ZNF595: variants seen among roughly 807,000 people sequenced by gnomAD.
ZNF595 encodes zinc finger protein 595.
In ZNF595, 9 loss-of-function variants were observed where a neutral mutation model predicts 19.4. That is an observed-to-expected ratio of 0.46 (90% confidence interval 0.28 to 0.81). ZNF595 has a LOEUF of 0.81. Ranked by LOEUF, ZNF595 falls within the 30% of genes least tolerant of loss-of-function variation. The pLI is 0.11. For missense variants in ZNF595, 729 were observed against 736.0 expected, an observed-to-expected ratio of 0.99 and a Z score of 0.11; for synonymous variants, 255 against 255.9, an observed-to-expected ratio of 1.00 and a Z score of 0.03.
intron 3 of ZNF595, among the ~76,000 whole-genome samples, chr4:80,683 T>C (rs528790386): frequency 6.6e-6 from 1 of 152,174 alleles, no homozygotes; most frequent in African/African-American, 2.4e-5. Context: ...AGGTGCTCAG[T>C]TGGGGAGCTT....
At chr4:78,034 A>G (rs1382032791) in intron 3 of ZNF595, among the ~76,000 whole-genome samples, 2 of 152,088 alleles carry the variant, frequency 1.3e-5, no homozygotes, top group Admixed American at 1.3e-4. Flanking sequence ...TTTGAGACGG[A>G]GTCTTGCTCT....
intron 3 of ZNF595, among the ~76,000 whole-genome samples, chr4:73,582 G>C (rs1560088578): frequency 1.3e-5 from 2 of 152,106 alleles, no homozygotes. Context: ...AAGCTTTTTT[G>C]ATAGGGCACA....
At chr4:72,896 G>C (rs753197315) in intron 3 of ZNF595, among the ~76,000 whole-genome samples, 1 of 152,180 alleles carries the variant, frequency 6.6e-6, no homozygotes, top group Non-Finnish European at 1.5e-5. Context: ...CAGTAGCCCA[G>C]TTGTTACTTA....
intron 3 of ZNF595, among the ~76,000 whole-genome samples, chr4:73,019 A>C (rs555157618): frequency 6.6e-6 from 1 of 152,284 alleles, no homozygotes; most frequent in East Asian, 1.9e-4. Context: ...AGGCAGATGC[A>C]GTGAGAGTTG....
At chr4:69,355 A>G (rs1581371702) in intron 3 of ZNF595, among the ~76,000 whole-genome samples, 1 of 152,136 alleles carries the variant, frequency 6.6e-6, no homozygotes, top group East Asian at 1.9e-4. Flanking sequence ...ATTTACATTC[A>G]CACCAAGAGA....
At chr4:71,070 A>G (rs548166234) in intron 3 of ZNF595, among the ~76,000 whole-genome samples, 1 of 152,242 alleles carries the variant, frequency 6.6e-6, no homozygotes, top group South Asian at 2.1e-4. Flanking sequence ...TTCTTTGCTT[A>G]TGTTAATTCC....
chr4:66,852 A>C (rs1165718284), intron 3 of ZNF595, among the ~76,000 whole-genome samples: 1 of 151,948 alleles, frequency 6.6e-6, no homozygotes, highest in Admixed American at 6.6e-5. Context: ...ATCTGTTCTA[A>C]AAACAGGAAA....
At chr4:82,438 C>T (rs1713957071) in intron 3 of ZNF595, among the ~76,000 whole-genome samples, 1 of 124,346 alleles carries the variant, frequency 8.0e-6, no homozygotes, top group Non-Finnish European at 1.6e-5. Context: ...AGCTGGAGTG[C>T]AACAGCGTGA....
intron 1 of ZNF595, among the ~76,000 whole-genome samples, chr4:54,750 C>G (rs1712545849): frequency 6.6e-6 from 1 of 152,020 alleles, no homozygotes; most frequent in East Asian, 1.9e-4. Flanking sequence ...GCTTCCTTCA[C>G]CCACCCAGGC....
chr4:79,845 TATTTC>T (rs1287295822), intron 3 of ZNF595, among the ~76,000 whole-genome samples: 40 of 152,182 alleles, frequency 2.6e-4, no homozygotes, highest in African/African-American at 9.4e-4. Flanking sequence ...TTTTAAATAT[TATTTC>T]AATTCATAAG....
chr4:77,812 C>T (rs1489196977), intron 3 of ZNF595, among the ~76,000 whole-genome samples: 2 of 152,008 alleles, frequency 1.3e-5, no homozygotes, highest in African/African-American at 4.8e-5. Context: ...GGTGCTGATA[C>T]AATATAAATG....
Position 87,236 on chromosome 4 carries a change from A to G in ZNF595, c.1732A>G (p.Thr578Ala), listed in dbSNP as rs879999374. 2.5e-6 allele frequency: 4 copies of G among 1,594,608 alleles called. No individual in the cohort carries two copies. The highest frequency in any genetic ancestry group is 1.7e-5 in the Admixed American group (1 of 59,220). The change falls in exon 4 of 4, where the codon ACC becomes GCC. Residue 578 changes from threonine (T) to alanine (A), a missense_variant. Thr to Ala is a moderately conservative substitution (Grantham distance 58). This residue lies in a region of ZNF595 where 729 missense variants were observed against 675.3 expected (regional missense o/e 1.08). Transcript: ENST00000610261. Reference sequence around the variant, plus strand: ...TGGCAAAGCCTATAACTTATCCTCAACCCTTACTAAACATAAGAGAATTCA... The same window carrying G: ...TGGCAAAGCCTATAACTTATCCTCAGCCCTTACTAAACATAAGAGAATTCA... ...ECGKAYNLSS[T>A]LTKHKRIHTG...
chr4:84,083 G>A (rs181419730), intron 3 of ZNF595, among the ~76,000 whole-genome samples: 13 of 151,930 alleles, frequency 8.6e-5, no homozygotes, highest in East Asian at 3.8e-4. Flanking sequence ...TTTCAGTTGC[G>A]TTTGAAAATT....
At chr4:84,386 A>G (rs1284397805) in intron 3 of ZNF595, among the ~76,000 whole-genome samples, 1 of 152,172 alleles carries the variant, frequency 6.6e-6, no homozygotes, top group Non-Finnish European at 1.5e-5. Flanking sequence ...TTCTTTTCTA[A>G]GGCAGGTGTT....
At chr4:76,225 C>T (rs532695613) in intron 3 of ZNF595, among the ~76,000 whole-genome samples, 9 of 152,046 alleles carry the variant, frequency 5.9e-5, no homozygotes, top group East Asian at 5.8e-4. Flanking sequence ...TTCTGAGATC[C>T]GTATTTTATT....
At position 87,014 on chromosome 4, in the gene ZNF595, G is replaced by A. The variant is rs1553801909; in HGVS notation, c.1510G>A (p.Gly504Arg). 3 of 1,613,818 alleles carry A rather than the reference G, an allele frequency of 1.9e-6. No individual in the cohort carries two copies. Among genetic ancestry groups the A allele is most frequent in the Non-Finnish European group, 2.5e-6 (3 of 1,179,986 alleles). Reference sequence around the variant, plus strand: ...GAATGAACATAAGAATATTCATACTGGAGAGAAACCCTACAAATGTAAAGA... The same window carrying A: ...GAATGAACATAAGAATATTCATACTAGAGAGAAACCCTACAAATGTAAAGA... ...SLNEHKNIHT[G>R]EKPYKCKECG... Residue 504 changes from glycine (G) to arginine (R), a missense_variant, in exon 4 of 4, where the codon GGA (glycine) becomes AGA (arginine). By Grantham distance (125) the Gly-to-Arg change is moderately radical. Transcript: ENST00000610261.
chr4:66,670 T>C (rs1414693131), intron 3 of ZNF595, among the ~76,000 whole-genome samples: 2 of 151,968 alleles, frequency 1.3e-5, no homozygotes, highest in Non-Finnish European at 2.9e-5. Flanking sequence ...GGATATACAG[T>C]TTTCCAACAC....
chr4:86,775 A>G lies in ZNF595; in HGVS notation c.1271A>G (p.Tyr424Cys), dbSNP rs1395868262. ...HKRIHTGEKP[Y>C]TCEECGKAFN... ...AGAATTCATACTGGAGAGAAACCCT[A>G]CACGTGCGAAGAATGTGGCAAAGCT... Residue 424 changes from tyrosine to cysteine, a missense_variant, in exon 4 of 4, where the codon TAC (tyrosine) becomes TGC (cysteine). By Grantham distance (194) the Tyr-to-Cys change is radical (BLOSUM62 -2). Coordinates refer to ENST00000610261, the MANE Select transcript of ZNF595 (RefSeq NM_182524.4). The G allele has an allele frequency of 3.7e-6, 6 of 1,613,838 alleles. No individual in the cohort carries two copies. The highest frequency in any genetic ancestry group is 1.6e-4 in the Middle Eastern group (1 of 6,082).
Position 85,982 on chromosome 4 carries a change from TCAAA to T in ZNF595, c.485_488del (p.Lys162IlefsTer3), listed in dbSNP as rs1482840834. Reference sequence around the variant, plus strand: ...TAAAGTTTTTAGTAAATTTTCAAATTCAAACAAACATAAGATAAGACATACTGGA... The same window carrying T: ...TAAAGTTTTTAGTAAATTTTCAAATTCAAACATAAGATAAGACATACTGGA... On this transcript the variant is annotated frameshift_variant, in exon 4 of 4. Coordinates refer to ENST00000610261, the MANE Select transcript of ZNF595 (RefSeq NM_182524.4). LOFTEE classifies it low-confidence loss of function (END_TRUNC). 5 of 1,607,942 alleles carry T rather than the reference TCAAA, an allele frequency of 3.1e-6. No individual in the cohort carries two copies. Among genetic ancestry groups the T allele is most frequent in the Non-Finnish European group, 4.2e-6 (5 of 1,176,598 alleles).
Sources: allele counts gnomAD v4.1 joint callset (sites outside exome capture counted in the v4.1 genomes callset), GRCh38; gene constraint gnomAD v4.1.1; regional missense constraint gnomAD v4.1.1; transcripts MANE v1.5; gene names NCBI Gene and HGNC (gene_info 2026-07-23, HGNC 2026-07-21).